GRIA4: variants seen among roughly 807,000 people sequenced by gnomAD.
GRIA4 encodes the protein glutamate receptor 4.
A neutral mutation model predicts 104.0 loss-of-function variants in GRIA4; 34 were observed. That is an observed-to-expected ratio of 0.33 (90% confidence interval 0.25 to 0.44). The LOEUF is 0.44. Among genes scored for constraint, GRIA4 ranks in the 20% least tolerant of loss-of-function variants. GRIA4 has a pLI of 1.00. For missense variants in GRIA4, 750 were observed against 1,096.5 expected (o/e 0.68, Z 4.46); for synonymous variants, 386 against 381.9 (o/e 1.01, Z -0.13).
intron 8 of GRIA4, among the ~76,000 whole-genome samples, chr11:105,904,657 G>A (rs540920439): frequency 6.6e-6 from 1 of 152,158 alleles, no homozygotes; most frequent in African/African-American, 2.4e-5. Flanking sequence ...CATATTTAAT[G>A]TTACATTTTA....
chr11:105,930,109 CT>C (rs1408597952), intron 13 of GRIA4, among the ~76,000 whole-genome samples: 1 of 152,096 alleles, frequency 6.6e-6, no homozygotes, highest in Non-Finnish European at 1.5e-5. Context: ...CAGAGACCTA[CT>C]GGGCTTGCTG....
At chr11:105,896,167 T>G (rs893908585) in intron 6 of GRIA4, among the ~76,000 whole-genome samples, 1 of 152,232 alleles carries the variant, frequency 6.6e-6, no homozygotes, top group African/African-American at 2.4e-5. Flanking sequence ...TCATTTTTTC[T>G]CTGATGATTA....
At chr11:105,658,293 A>G (rs552489354) in intron 3 of GRIA4, among the ~76,000 whole-genome samples, 14 of 152,002 alleles carry the variant, frequency 9.2e-5, no homozygotes, top group Non-Finnish European at 1.8e-4. Flanking sequence ...TAGAATAAAG[A>G]TAAGATGAAT....
chr11:105,950,563 T>G (rs1418649146), intron 14 of GRIA4, among the ~76,000 whole-genome samples: 1 of 152,184 alleles, frequency 6.6e-6, no homozygotes. Context: ...AAAAAAGACA[T>G]TTTAACTTTG....
Position 105,974,371 on chromosome 11 carries a change from G to T in GRIA4, c.2471G>T (p.Gly824Val). Reference protein sequence around the residue: ...VAGVFYILVGGLGLAMLVALI... With the variant: ...VAGVFYILVGVLGLAMLVALI... ...GGCGTCTTCTACATTCTGGTTGGCG[G>T]CTTGGGCTTGGCAATGCTGGTGGCT... The change falls in exon 16 of 17, where the codon GGC becomes GTC. Residue 824 changes from glycine to valine, a missense_variant. This residue lies in a region of GRIA4 where 272 missense variants were observed against 524.5 expected (regional missense o/e 0.52). Coordinates refer to ENST00000282499, the MANE Select transcript of GRIA4 (RefSeq NM_000829.4). 6.2e-7 allele frequency: 1 copy of T among 1,613,936 alleles called. No individual in the cohort carries two copies. The highest frequency in any genetic ancestry group is 8.5e-7 in the Non-Finnish European group (1 of 1,179,870).
intron 3 of GRIA4, among the ~76,000 whole-genome samples, chr11:105,743,351 C>T (rs942364183): frequency 3.5e-4 from 53 of 152,248 alleles, no homozygotes; most frequent in East Asian, 5.8e-4. Flanking sequence ...AATCCTCAAA[C>T]GCAAACCTGA....
At chr11:105,614,562 G>A (rs1474865496) in intron 3 of GRIA4, 4 of 151,886 alleles carry the variant, frequency 2.6e-5, no homozygotes, top group Admixed American at 6.6e-5. Flanking sequence ...TAAACTTTAA[G>A]TCTGTTTATT....
At chr11:105,957,954 T>C (rs190490273) in intron 14 of GRIA4, among the ~76,000 whole-genome samples, 105 of 152,354 alleles carry the variant, frequency 6.9e-4, no homozygotes, top group South Asian at 5.2e-3. Flanking sequence ...TTTTTGGACG[T>C]TGATTTTGTA....
chr11:105,663,512 T>A (rs1370200686), intron 3 of GRIA4, among the ~76,000 whole-genome samples: 3 of 151,932 alleles, frequency 2.0e-5, no homozygotes, highest in Admixed American at 1.3e-4. Context: ...TAGAAGTATT[T>A]CCAGCATGAT....
chr11:105,846,950 T>C (rs927043423), intron 4 of GRIA4, among the ~76,000 whole-genome samples: 4 of 152,190 alleles, frequency 2.6e-5, no homozygotes, highest in African/African-American at 9.7e-5. Flanking sequence ...GCTGGTGCCA[T>C]CCAATAACCC....
chr11:105,702,430 T>C (rs903875423), intron 3 of GRIA4, among the ~76,000 whole-genome samples: 2 of 151,706 alleles, frequency 1.3e-5, no homozygotes, highest in African/African-American at 4.8e-5. Flanking sequence ...TCTATATAAT[T>C]AGAAAACCAA....
chr11:105,658,036 T>C lies in GRIA4; in HGVS notation c.247+45602T>C, dbSNP rs576942850. On this transcript the variant is annotated intron_variant, in intron 3 of 16. Coordinates refer to ENST00000282499, the MANE Select transcript of GRIA4 (RefSeq NM_000829.4). The stretch of plus-strand genomic sequence containing the variant: ...ATCAGGAAAAATTCTCATTTTTGAA[T>C]ATCTTTTCAGAGAAAGTGTTAACAG... 2.6e-5 allele frequency among the ~76,000 whole-genome samples: 4 copies of C among 151,970 alleles called. No individual in the cohort carries two copies. The East Asian group carries it at 7.7e-4, about 29-fold the overall frequency.
chr11:105,928,326 G>A (rs1051834481), intron 13 of GRIA4, among the ~76,000 whole-genome samples: 3 of 151,976 alleles, frequency 2.0e-5, no homozygotes, highest in Non-Finnish European at 4.4e-5. Flanking sequence ...AGATGTATAA[G>A]TTAATTACAA....
intron 4 of GRIA4, among the ~76,000 whole-genome samples, chr11:105,851,035 T>C (rs2135987396): frequency 6.6e-6 from 1 of 152,318 alleles, no homozygotes; most frequent in Middle Eastern, 3.4e-3. Context: ...ACTTAACTTC[T>C]GTATCATCAG....
intron 3 of GRIA4, among the ~76,000 whole-genome samples, chr11:105,719,937 G>T (rs572226190): frequency 6.6e-6 from 1 of 151,822 alleles, no homozygotes; most frequent in Non-Finnish European, 1.5e-5. Context: ...CCTGCCAATT[G>T]GTCTTTCACT....
intron 14 of GRIA4, chr11:105,945,450 AT>A: frequency 1.1e-6 from 1 of 894,722 alleles, no homozygotes; most frequent in Non-Finnish European, 1.3e-6. Flanking sequence ...AACTTTGGGT[AT>A]TTCTCCCCTA....
intron 4 of GRIA4, among the ~76,000 whole-genome samples, chr11:105,764,538 C>A (rs541306940): frequency 1.3e-5 from 2 of 152,072 alleles, no homozygotes; most frequent in South Asian, 4.2e-4. Flanking sequence ...AGTCTACCTG[C>A]CTATTCAGTC....
chr11:105,858,289 TA>T (rs1328731662), intron 4 of GRIA4, among the ~76,000 whole-genome samples: 1 of 152,164 alleles, frequency 6.6e-6, no homozygotes. Context: ...TCCTAGATAG[TA>T]AATTCTTTGT....
At position 105,722,703 on chromosome 11, in the gene GRIA4, T is replaced by C. The variant is rs531088567; in HGVS notation, c.248-30278T>C. Reference sequence around the variant, plus strand: ...AATTTAATGTGCTTTTCTGCAATTATATTTTAGTTTTGTTATACATGTATA... The same window carrying C: ...AATTTAATGTGCTTTTCTGCAATTACATTTTAGTTTTGTTATACATGTATA... On this transcript the variant is annotated intron_variant, in intron 3 of 16. Transcript: ENST00000282499. Among the ~76,000 whole-genome samples the C allele has an allele frequency of 4.9e-4, 75 of 152,270 alleles. No individual in the cohort carries two copies. In the South Asian group the frequency reaches 6.2e-3, roughly 13 times the overall value.
Sources: allele counts gnomAD v4.1 joint callset (sites outside exome capture counted in the v4.1 genomes callset), GRCh38; gene constraint gnomAD v4.1.1; regional missense constraint gnomAD v4.1.1; transcripts MANE v1.5; gene names NCBI Gene and HGNC (gene_info 2026-07-23, HGNC 2026-07-21).